Variants in RPS6KC1 observed in about 807,000 individuals in gnomAD.
The protein encoded by RPS6KC1 is ribosomal protein S6 kinase C1.
Under a neutral mutation model 103.8 loss-of-function variants are expected in RPS6KC1, and 54 were observed. The ratio of observed to expected loss-of-function variants is 0.52; its 90% CI spans 0.42 to 0.65. The LOEUF (loss-of-function observed/expected upper bound fraction) is 0.65. Among genes scored for constraint, RPS6KC1 ranks in the 30% least tolerant of loss-of-function variants. RPS6KC1 has a pLI of 0.00. For synonymous variants in RPS6KC1, 439 were observed against 438.7 expected, an observed-to-expected ratio of 1.00 and a Z score of -0.01; for missense variants, 1,151 against 1,253.8, an observed-to-expected ratio of 0.92 and a Z score of 1.24.
chr1:213,741,828 C>A, the RPS6KC1 span, among the ~76,000 whole-genome samples: 1 of 152,058 alleles, frequency 6.6e-6, no homozygotes, highest in African/African-American at 2.4e-5. Flanking sequence ...TGACCCGATG[C>A]AGAGCTGGGG....
chr1:213,560,112 T>C, the RPS6KC1 span, among the ~76,000 whole-genome samples: 1 of 152,196 alleles, frequency 6.6e-6, no homozygotes, highest in Non-Finnish European at 1.5e-5. Flanking sequence ...TCTCCTGTAA[T>C]AGGCAAAATT....
At chr1:213,538,220 A>G in the RPS6KC1 span, among the ~76,000 whole-genome samples, 1 of 152,290 alleles carries the variant, frequency 6.6e-6, no homozygotes, top group African/African-American at 2.4e-5. Context: ...CTGAGGAGGA[A>G]AGAAATGTCA....
At chr1:213,560,539 G>C in the RPS6KC1 span, among the ~76,000 whole-genome samples, 108 of 152,264 alleles carry the variant, frequency 7.1e-4, 1 homozygote, top group South Asian at 6.4e-3. Flanking sequence ...CCAACAACCT[G>C]TGTAAGTGTG....
In RPS6KC1 at chr1:213,051,297, C is replaced by T. The variant is rs1011703193; in HGVS notation, c.-108C>T. On this transcript the variant is annotated 5_prime_UTR_variant, in exon 1 of 15. Transcript: ENST00000366960. ...CCGCCGTGGAGCCGCCTTGGAGCCA[C>T]CGCCCCCTCGCCGCTTCGCCGCTGC... 2.3e-5 allele frequency: 18 copies of T among 774,498 alleles called. No individual in the cohort carries two copies. The Admixed American group carries it at 2.6e-4, about 11-fold the overall frequency. 48.0% of individuals were successfully genotyped at this position (774,498 alleles called of 1,614,324 possible).
chr1:213,585,510 C>G, the RPS6KC1 span, among the ~76,000 whole-genome samples: 106 of 152,328 alleles, frequency 7.0e-4, 1 homozygote, highest in African/African-American at 2.3e-3. Context: ...ATCTGATCTC[C>G]AAATAACACA....
chr1:213,426,722 G>C, the RPS6KC1 span, among the ~76,000 whole-genome samples: 1 of 152,156 alleles, frequency 6.6e-6, no homozygotes, highest in African/African-American at 2.4e-5. Context: ...GGAGTCTTTT[G>C]GGGCTAACAC....
the RPS6KC1 span, among the ~76,000 whole-genome samples, chr1:213,795,621 T>C: frequency 2.0e-5 from 3 of 152,316 alleles, no homozygotes; most frequent in South Asian, 6.2e-4. Context: ...AGTGATTTAG[T>C]TGTTTCCATG....
the RPS6KC1 span, among the ~76,000 whole-genome samples, chr1:213,338,992 G>A: frequency 2.6e-5 from 4 of 152,084 alleles, no homozygotes; most frequent in South Asian, 2.1e-4. Flanking sequence ...GGCCAGGCAC[G>A]GTGGCTCATG....
the RPS6KC1 span, among the ~76,000 whole-genome samples, chr1:213,557,397 C>T: frequency 6.6e-6 from 1 of 152,108 alleles, no homozygotes; most frequent in Non-Finnish European, 1.5e-5. Context: ...ATATTGGGAG[C>T]TTGGGTGTGT....
chr1:213,801,246 G>GA, the RPS6KC1 span, among the ~76,000 whole-genome samples: 14 of 151,982 alleles, frequency 9.2e-5, no homozygotes, highest in African/African-American at 2.9e-4. Flanking sequence ...TATTCAAGGA[G>GA]AAAAAAAAGC....
the RPS6KC1 span, among the ~76,000 whole-genome samples, chr1:213,546,034 C>T: frequency 2.6e-5 from 4 of 152,094 alleles, no homozygotes; most frequent in Admixed American, 6.5e-5. Flanking sequence ...ATAGTCCTAA[C>T]GAGAAGAGAG....
chr1:213,414,941 C>T, the RPS6KC1 span, among the ~76,000 whole-genome samples: 63 of 152,142 alleles, frequency 4.1e-4, no homozygotes, highest in Non-Finnish European at 7.9e-4. Context: ...CAATGAGACC[C>T]CTGGGATTGC....
chr1:213,776,829 C>T, the RPS6KC1 span, among the ~76,000 whole-genome samples: 1 of 152,174 alleles, frequency 6.6e-6, no homozygotes, highest in Admixed American at 6.6e-5. Context: ...CTTAGTGTAG[C>T]CATCTTCAAC....
the RPS6KC1 span, among the ~76,000 whole-genome samples, chr1:213,325,619 G>A: frequency 6.6e-6 from 1 of 152,182 alleles, no homozygotes; most frequent in African/African-American, 2.4e-5. Context: ...GGTCTGGCAC[G>A]GATAGATGGT....
the RPS6KC1 span, among the ~76,000 whole-genome samples, chr1:213,639,750 T>C: frequency 0.14 from 21,347 of 151,976 alleles, 2,370 homozygotes; most frequent in African/African-American, 0.31. Flanking sequence ...GAATAAACCC[T>C]ACTTAATTGT....
At chr1:213,345,048 G>A in the RPS6KC1 span, among the ~76,000 whole-genome samples, 2 of 152,208 alleles carry the variant, frequency 1.3e-5, no homozygotes, top group African/African-American at 4.8e-5. Flanking sequence ...TTTAATGACA[G>A]AGGGTCATAT....
At chr1:213,201,801 G>A (rs1287716033) in intron 8 of RPS6KC1, among the ~76,000 whole-genome samples, 3 of 152,178 alleles carry the variant, frequency 2.0e-5, no homozygotes, top group Non-Finnish European at 4.4e-5. Flanking sequence ...TTGGTGAAAG[G>A]CATGTGGTAC....
At chr1:213,099,439 A>T (rs149717072) in intron 3 of RPS6KC1, among the ~76,000 whole-genome samples, 1 of 152,348 alleles carries the variant, frequency 6.6e-6, no homozygotes, top group African/African-American at 2.4e-5. Context: ...TAAAGTGCAG[A>T]TACCAGTGTC....
chr1:213,186,743 G>A (rs1417527313), intron 8 of RPS6KC1, among the ~76,000 whole-genome samples: 1 of 151,986 alleles, frequency 6.6e-6, no homozygotes, highest in Non-Finnish European at 1.5e-5. Context: ...TATCTTATAG[G>A]CAGCTTCATT....
Sources: gnomAD v4.1 joint callset for allele counts (sites outside exome capture counted in the v4.1 genomes callset) on GRCh38, gnomAD v4.1.1 for gene constraint, MANE v1.5 for transcripts, NCBI Gene and HGNC (gene_info 2026-07-23, HGNC 2026-07-21) for gene names.